Variants in ARL6 observed in about 807,000 individuals in gnomAD.
The protein encoded by ARL6 is ADP-ribosylation factor-like protein 6.
A neutral mutation model predicts 27.1 loss-of-function variants in ARL6; 18 were observed. That is an observed-to-expected ratio of 0.66 (90% CI 0.46 to 0.98). ARL6 has a LOEUF of 0.98. Among genes scored for constraint, ARL6 ranks in the 50% least tolerant of loss-of-function variants. The pLI, the probability that ARL6 is intolerant of heterozygous loss-of-function variation, is 0.00. For synonymous variants in ARL6, 65 were observed against 72.3 expected, an observed-to-expected ratio of 0.90 and a Z score of 0.51; for missense variants, 187 against 214.9, an observed-to-expected ratio of 0.87 and a Z score of 0.81.
intron 2 of ARL6, among the ~76,000 whole-genome samples, chr3:97,773,570 C>A (rs1300112463): frequency 6.6e-6 from 1 of 152,138 alleles, no homozygotes; most frequent in Non-Finnish European, 1.5e-5. Context: ...ATACAACTAT[C>A]CTTCGTACAA....
intron 2 of ARL6, among the ~76,000 whole-genome samples, chr3:97,772,023 C>T (rs1435294103): frequency 6.6e-6 from 1 of 152,076 alleles, no homozygotes; most frequent in Non-Finnish European, 1.5e-5. Flanking sequence ...GTTTCGGTGT[C>T]AGATTAATGC....
intron 7 of ARL6, 39 bp from the exon 8 acceptor site, chr3:97,797,985 T>C (rs943717543): frequency 1.9e-6 from 3 of 1,599,006 alleles, no homozygotes; most frequent in Non-Finnish European, 2.6e-6. Context: ...GATTTTGCCC[T>C]ATAGAGATTG....
intron 7 of ARL6, among the ~76,000 whole-genome samples, chr3:97,795,767 G>A (rs560759465): frequency 1.3e-5 from 2 of 152,286 alleles, no homozygotes; most frequent in East Asian, 3.9e-4. Flanking sequence ...TTCCCTTTAA[G>A]AGAAAATTGA....
chr3:97,773,737 T>A (rs1301754131), intron 2 of ARL6, among the ~76,000 whole-genome samples: 1 of 152,170 alleles, frequency 6.6e-6, no homozygotes, highest in African/African-American at 2.4e-5. Flanking sequence ...TACACAAACA[T>A]GTTTTTAACA....
intron 7 of ARL6, among the ~76,000 whole-genome samples, chr3:97,792,410 G>A (rs564775151): frequency 1.3e-5 from 2 of 152,204 alleles, no homozygotes; most frequent in South Asian, 4.1e-4. Flanking sequence ...TTGAACCCAG[G>A]AGATGGAGGT....
rs2037373790 is a variant in ARL6, at chr3:97,784,896, T to C, written c.255-59T>C. 3 of 1,276,990 alleles carry C rather than the reference T, an allele frequency of 2.3e-6. No individual in the cohort carries two copies. In the African/African-American group the frequency reaches 4.4e-5, roughly 19 times the overall value. The allele number at this position is 1,276,990 out of a possible 1,614,324, so 79.1% of individuals were successfully genotyped here. ...TAGGTTAGGAAATGCCCATGGATAA[T>C]AAACATGGAAAAATTTATAAGTAAA... On this transcript the variant is annotated intron_variant, in intron 4 of 7. Coordinates refer to ENST00000463745, the MANE Select transcript of ARL6 (RefSeq NM_001278293.3).
chr3:97,791,952 G>GA (rs1249055983), intron 7 of ARL6, 126 bp downstream of exon 7: 6 of 828,010 alleles, frequency 7.2e-6, no homozygotes, highest in South Asian at 3.3e-5. Context: ...TCTGCTATCA[G>GA]AAAAAACAAT....
At chr3:97,773,886 G>A (rs1164664611) in intron 2 of ARL6, among the ~76,000 whole-genome samples, 1 of 152,162 alleles carries the variant, frequency 6.6e-6, no homozygotes, top group African/African-American at 2.4e-5. Context: ...AGCAGGTGCT[G>A]CTTTTGTTTG....
At chr3:97,777,041 T>G (rs1028622595) in intron 2 of ARL6, among the ~76,000 whole-genome samples, 1 of 152,256 alleles carries the variant, frequency 6.6e-6, no homozygotes, top group African/African-American at 2.4e-5. Flanking sequence ...CTTATTAAAT[T>G]TCTCCCATTA....
rs5851081 is a variant in ARL6, at chr3:97,785,487, C to CAT, written c.349+457_349+458dup. Among the ~76,000 whole-genome samples the CAT allele has an allele frequency of 2.3e-3, 331 of 145,926 alleles. 3 individuals are homozygous for CAT. The highest frequency in any genetic ancestry group is 0.018 in the South Asian group (85 of 4,600). On this transcript the variant is annotated intron_variant, in intron 5 of 7. Coordinates refer to ENST00000463745, the MANE Select transcript of ARL6 (RefSeq NM_001278293.3). Reference sequence around the variant, plus strand: ...TTACAGCATTTCTTACATATTTATTCATATATATATATATATATATCTCCC... The same window carrying CAT: ...TTACAGCATTTCTTACATATTTATTCATATATATATATATATATATATCTCCC...
At chr3:97,766,013 T>C (rs576058272) in intron 1 of ARL6, 2 of 152,204 alleles carry the variant, frequency 1.3e-5, no homozygotes, top group Non-Finnish European at 2.9e-5. Context: ...CTCTTCTAAA[T>C]TGTGTGTCCC....
chr3:97,766,625 C>CTTTTAGATACAG (rs1445392243), intron 1 of ARL6: 1 of 152,178 alleles, frequency 6.6e-6, no homozygotes, highest in Non-Finnish European at 1.5e-5. Context: ...ATGCAACCTC[C>CTTTTAGATACAG]TTTTAGATAC....
Position 97,794,177 on chromosome 3 carries a change from TTGTGTGTGTGTG to T in ARL6, c.535+2381_535+2392del, listed in dbSNP as rs370867493. ...GTGCTTTGGTTATATTTTCTTTCTT[TTGTGTGTGTGTG>T]TGTGTGTGTGTGTGTGTGTGTGTGT... On this transcript the variant is annotated intron_variant, in intron 7 of 7. Transcript: ENST00000463745. Among the ~76,000 whole-genome samples, 23 of 137,476 alleles carry T rather than the reference TTGTGTGTGTGTG, an allele frequency of 1.7e-4. No homozygotes were observed. The East Asian group carries it at 2.0e-3, about 12-fold the overall frequency. 90.2% of individuals were successfully genotyped at this position (137,476 alleles called of 152,430 possible). A position where few individuals can be genotyped will look rare whatever the true frequency, so the allele number is the denominator to read the frequency against.
At chr3:97,769,516 A>G (rs1008375340) in intron 2 of ARL6, among the ~76,000 whole-genome samples, 6 of 152,018 alleles carry the variant, frequency 3.9e-5, no homozygotes, top group Admixed American at 1.3e-4. Flanking sequence ...TCACCTCAAA[A>G]ATTTATCTTT....
chr3:97,787,646 G>A (rs1576464732), intron 5 of ARL6, among the ~76,000 whole-genome samples: 1 of 152,024 alleles, frequency 6.6e-6, no homozygotes, highest in East Asian at 1.9e-4. Context: ...ACTTCTACTT[G>A]AAGTTTGCCT....
intron 2 of ARL6, among the ~76,000 whole-genome samples, chr3:97,768,493 G>C (rs2036490749): frequency 6.6e-6 from 1 of 151,874 alleles, no homozygotes; most frequent in South Asian, 2.1e-4. Flanking sequence ...AAATGTCATT[G>C]CCTTCTTTTT....
At chr3:97,786,186 A>T (rs1418207988) in intron 5 of ARL6, among the ~76,000 whole-genome samples, 1 of 152,038 alleles carries the variant, frequency 6.6e-6, no homozygotes, top group Non-Finnish European at 1.5e-5. Flanking sequence ...CCCCATCTCT[A>T]CTAAAAATAC....
At chr3:97,794,177 T>TTGTGTGTGTGTGTG (rs370867493) in intron 7 of ARL6, among the ~76,000 whole-genome samples, 25 of 137,478 alleles carry the variant, frequency 1.8e-4, no homozygotes, top group East Asian at 6.5e-4. Context: ...TTTCTTTCTT[T>TTGTGTGTGTGTGTG]TGTGTGTGTG....
At chr3:97,790,603 A>G (rs1482185344) in intron 6 of ARL6, among the ~76,000 whole-genome samples, 5 of 152,176 alleles carry the variant, frequency 3.3e-5, no homozygotes, top group Non-Finnish European at 7.4e-5. Context: ...CTATAGGTGT[A>G]TGATAAAATT....
Sources: allele counts gnomAD v4.1 joint callset (sites outside exome capture counted in the v4.1 genomes callset), GRCh38; gene constraint gnomAD v4.1.1; transcripts MANE v1.5; gene names NCBI Gene and HGNC (gene_info 2026-07-23, HGNC 2026-07-21).